The following PIGN variants were observed in gnomAD, a reference collection of about 807,000 sequenced individuals.
The protein encoded by PIGN is phosphatidylinositol glycan anchor biosynthesis class N, also known as GPI ethanolamine phosphate transferase 1.
In PIGN, 117 loss-of-function variants were observed where a neutral mutation model predicts 125.4. That is an observed-to-expected ratio of 0.93 (90% CI 0.80 to 1.09). PIGN has a LOEUF of 1.09. PIGN is among the 50% of genes least tolerant of loss of function. The pLI, the probability that PIGN is intolerant of heterozygous loss-of-function variation, is 0.00. For missense variants in PIGN, 1,075 were observed against 1,094.9 expected (o/e 0.98, Z 0.26); for synonymous variants, 392 against 377.8 (o/e 1.04, Z -0.44).
chr18:62,122,677 G>C (rs1034933381), intron 14 of PIGN, among the ~76,000 whole-genome samples: 1 of 152,096 alleles, frequency 6.6e-6, no homozygotes, highest in African/African-American at 2.4e-5. Flanking sequence ...AAAAGACCCT[G>C]ATTAGTTACT....
chr18:62,111,648 T>C (rs1181361503), intron 16 of PIGN, among the ~76,000 whole-genome samples: 1 of 152,158 alleles, frequency 6.6e-6, no homozygotes, highest in Non-Finnish European at 1.5e-5. Context: ...ATCTTTTATT[T>C]CTTTGTATAG....
chr18:62,066,317 G>A (rs72946095), intron 30 of PIGN, among the ~76,000 whole-genome samples: 44,948 of 151,926 alleles, frequency 0.3, 7,859 homozygotes, highest in East Asian at 0.58. Context: ...GATCGACTCT[G>A]TGACATGAGC....
chr18:62,040,932 T>C (rs1190341065), downstream of PIGN, among the ~76,000 whole-genome samples: 3 of 152,232 alleles, frequency 2.0e-5, no homozygotes, highest in East Asian at 5.8e-4. Flanking sequence ...TGATGTTTGA[T>C]GCAATTGGTA....
chr18:62,177,689 G>A (rs1295352591), intron 1 of PIGN, among the ~76,000 whole-genome samples: 1 of 152,008 alleles, frequency 6.6e-6, no homozygotes, highest in Non-Finnish European at 1.5e-5. Context: ...TTTGATTTTT[G>A]AAGGGTTCAG....
intron 29 of PIGN, 50 bp downstream of exon 29, chr18:62,074,729 A>C (rs2033079291): frequency 8.4e-7 from 1 of 1,189,368 alleles, no homozygotes; most frequent in South Asian, 1.4e-5. Context: ...TTATTAAATT[A>C]ACCCAGGACT....
At position 62,154,563 on chromosome 18, in the gene PIGN, C is replaced by T; in HGVS notation, c.531G>A (p.Trp177Ter). Residue 177 changes from tryptophan to a stop codon, truncating the protein, a stop_gained, in exon 7 of 31, where the codon TGG (tryptophan) becomes TGA (stop). Transcript: ENST00000640252. LOFTEE classifies it high-confidence loss of function. Reference sequence around the variant, plus strand: ...CACAAACCTTAACATTATCAAAAACCCACGTATCCAGTTTTGTTGCATCTT... The same window carrying T: ...CACAAACCTTAACATTATCAAAAACTCACGTATCCAGTTTTGTTGCATCTT... ...GAQDATKLDT[W>*]VFDNVKDFFH... is the part of the protein sequence containing the mutation. The T allele has an allele frequency of 6.5e-7, 1 of 1,543,254 alleles. No individual in the cohort carries two copies. Among genetic ancestry groups the T allele is most frequent in the Non-Finnish European group, 9.0e-7 (1 of 1,116,950 alleles).
At chr18:62,137,338 C>T in intron 14 of PIGN, 1 of 396,968 alleles carries the variant, frequency 2.5e-6, no homozygotes, top group Non-Finnish European at 4.4e-6. Flanking sequence ...TTTTGGGACT[C>T]AGACTGGCTT....
intron 14 of PIGN, among the ~76,000 whole-genome samples, chr18:62,119,745 G>T (rs988485557): frequency 6.6e-6 from 1 of 151,868 alleles, no homozygotes; most frequent in African/African-American, 2.4e-5. Context: ...TCAGGAGGTT[G>T]AGGCAGGAGA....
chr18:62,033,110 G>T (rs1007981303), intron 23 of PIGN, among the ~76,000 whole-genome samples: 4 of 152,220 alleles, frequency 2.6e-5, no homozygotes, highest in Admixed American at 2.0e-4. Context: ...AGTTTCCTTG[G>T]ATGCCATAGC....
rs533930385 is a variant in PIGN at position 62,140,047 on chromosome 18, T to G, written c.1023+373A>C. Among the ~76,000 whole-genome samples the G allele has an allele frequency of 2.0e-5, 3 of 152,316 alleles. No individual in the cohort carries two copies. The South Asian group carries it at 6.2e-4, about 32-fold the overall frequency. Reference sequence around the variant, plus strand: ...AACCAGAATACAAAGATATAAATCATACACATTTTAGAAAATTAAAATATT... The same window carrying G: ...AACCAGAATACAAAGATATAAATCAGACACATTTTAGAAAATTAAAATATT... On this transcript the variant is annotated intron_variant, in intron 12 of 30. Transcript: ENST00000640252.
At chr18:62,091,598 A>G (rs916269104) in intron 23 of PIGN, among the ~76,000 whole-genome samples, 2 of 152,156 alleles carry the variant, frequency 1.3e-5, no homozygotes, top group African/African-American at 2.4e-5. Flanking sequence ...AACAACCTAC[A>G]TGTCCACCGG....
intron 14 of PIGN, among the ~76,000 whole-genome samples, chr18:62,121,677 T>C (rs532251474): frequency 6.6e-6 from 1 of 152,134 alleles, no homozygotes; most frequent in Non-Finnish European, 1.5e-5. Flanking sequence ...GTTCCACTCA[T>C]GTTGCTGCCA....
chr18:62,077,443 T>C (rs771813879), intron 28 of PIGN, among the ~76,000 whole-genome samples: 2 of 152,220 alleles, frequency 1.3e-5, no homozygotes, highest in East Asian at 1.9e-4. Context: ...AAAGTTTTGA[T>C]TTTTTAGAAA....
At chr18:62,155,350 G>A (rs764958942) in intron 6 of PIGN, among the ~76,000 whole-genome samples, 31 of 152,146 alleles carry the variant, frequency 2.0e-4, no homozygotes, top group Non-Finnish European at 3.5e-4. Context: ...GTGGATCACC[G>A]GAGGTCGGGA....
At chr18:62,071,839 G>GT (rs1190602473) in intron 30 of PIGN, among the ~76,000 whole-genome samples, 1 of 120,784 alleles carries the variant, frequency 8.3e-6, no homozygotes, top group African/African-American at 3.1e-5. Flanking sequence ...ATTTTTCATC[G>GT]TTTTTTAGAC....
chr18:62,148,155 A>G, intron 8 of PIGN, 59 bp downstream of exon 8: 1 of 1,343,806 alleles, frequency 7.4e-7, no homozygotes, highest in Non-Finnish European at 9.9e-7. Flanking sequence ...TTTATAATAA[A>G]AAGTTCAATA....
At chr18:62,135,389 C>G (rs1337459576) in intron 14 of PIGN, among the ~76,000 whole-genome samples, 1 of 151,972 alleles carries the variant, frequency 6.6e-6, no homozygotes. Flanking sequence ...GGTCACTATG[C>G]TCTAGAGTGG....
chr18:62,156,280 T>C (rs1307192530), intron 6 of PIGN, among the ~76,000 whole-genome samples: 3 of 152,240 alleles, frequency 2.0e-5, no homozygotes, highest in Non-Finnish European at 4.4e-5. Flanking sequence ...TGCCAGAATA[T>C]ATGGCATCTT....
At chr18:62,145,309 A>G (rs2036284829) in intron 10 of PIGN, among the ~76,000 whole-genome samples, 1 of 152,144 alleles carries the variant, frequency 6.6e-6, no homozygotes. Context: ...TGGACCTATG[A>G]TGTGGCATGA....
Sources: gnomAD v4.1 joint callset for allele counts (sites outside exome capture counted in the v4.1 genomes callset) on GRCh38, gnomAD v4.1.1 for gene constraint, MANE v1.5 for transcripts, NCBI Gene and HGNC (gene_info 2026-07-23, HGNC 2026-07-21) for gene names.